The following RCL1 variants were observed in gnomAD, a reference collection of about 807,000 sequenced individuals.
RCL1 encodes RNA 3'-terminal phosphate cyclase-like protein.
A neutral mutation model predicts 42.4 loss-of-function variants in RCL1; 24 were observed. That is an observed-to-expected ratio of 0.57 (90% CI 0.41 to 0.80). The LOEUF (loss-of-function observed/expected upper bound fraction) is 0.80. Ranked by LOEUF, RCL1 falls within the 30% of genes least tolerant of loss-of-function variation. The pLI is 0.00. For synonymous variants in RCL1, 228 were observed against 177.3 expected (o/e 1.29, Z -2.27); for missense variants, 578 against 467.9 (o/e 1.24, Z -2.17).
At chr9:4,847,470 T>A (rs1403976587) in intron 7 of RCL1, among the ~76,000 whole-genome samples, 1 of 152,170 alleles carries the variant, frequency 6.6e-6, no homozygotes, top group Non-Finnish European at 1.5e-5. Flanking sequence ...TTACCAAGCC[T>A]TCTTGATTCT....
chr9:4,796,432 C>G, intron 1 of RCL1, among the ~76,000 whole-genome samples: 1 of 152,186 alleles, frequency 6.6e-6, no homozygotes, highest in Non-Finnish European at 1.5e-5. Flanking sequence ...GAGACAGAGT[C>G]TCACTCTGTC....
chr9:4,811,997 T>G (rs1816194091), intron 1 of RCL1, among the ~76,000 whole-genome samples: 1 of 152,192 alleles, frequency 6.6e-6, no homozygotes, highest in African/African-American at 2.4e-5. Flanking sequence ...TGTATGTCTT[T>G]TGAGGGATGT....
intron 6 of RCL1, among the ~76,000 whole-genome samples, chr9:4,843,818 G>A (rs544110461): frequency 6.6e-6 from 1 of 152,220 alleles, no homozygotes; most frequent in Non-Finnish European, 1.5e-5. Context: ...TCTCACTTCT[G>A]CTGGTCAGGT....
chr9:4,857,521 A>G (rs749691235), intron 8 of RCL1, among the ~76,000 whole-genome samples: 4 of 152,050 alleles, frequency 2.6e-5, no homozygotes, highest in African/African-American at 4.8e-5. Flanking sequence ...GTTGGTAGAC[A>G]TTTGGGTTGC....
intron 8 of RCL1, chr9:4,850,493 C>CTTTTTTTTTTTTT: frequency 2.9e-5 from 4 of 136,948 alleles, no homozygotes; most frequent in Non-Finnish European, 4.3e-5. Flanking sequence ...TTTTTTTTTT[C>CTTTTTTTTTTTTT]TTTTTTTTTT....
At chr9:4,856,927 T>A (rs546020505) in intron 8 of RCL1, among the ~76,000 whole-genome samples, 1 of 152,304 alleles carries the variant, frequency 6.6e-6, no homozygotes, top group African/African-American at 2.4e-5. Flanking sequence ...TTCCTTCCTT[T>A]AACTAGATCA....
In RCL1 at chr9:4,818,502, A is replaced by G. The variant is rs538877953; in HGVS notation, c.137-5046A>G. On this transcript the variant is annotated intron_variant, in intron 1 of 8. Transcript: ENST00000381750. ...AATTGAGTATGTGTTTGCAATGTCT[A>G]CCTCTTTGGATTTAATGAGGAAAGG... is the stretch of plus-strand genomic sequence containing the variant. 2.6e-5 allele frequency among the ~76,000 whole-genome samples: 4 copies of G among 152,258 alleles called. No individual in the cohort carries two copies. In the South Asian group the frequency reaches 8.3e-4, roughly 32 times the overall value.
intron 5 of RCL1, 85 bp downstream of exon 5, chr9:4,834,350 C>A: frequency 2.1e-6 from 3 of 1,447,500 alleles, no homozygotes; most frequent in Admixed American, 2.1e-5. Flanking sequence ...TTTACTTCTT[C>A]CCGAGGTTAT....
intron 1 of RCL1, among the ~76,000 whole-genome samples, chr9:4,818,929 A>G (rs1000151575): frequency 3.3e-5 from 5 of 152,080 alleles, no homozygotes; most frequent in African/African-American, 1.2e-4. Context: ...TAACTTTTAA[A>G]CTTTTCCTCA....
rs1818123510 is a variant in RCL1 at position 4,860,238 on chromosome 9, G to C, written c.1085G>C (p.Gly362Ala). Residue 362 changes from glycine (G) to alanine (A), a missense_variant, in exon 9 of 9, where the codon GGC (glycine) becomes GCC (alanine). Transcript: ENST00000381750. ...GGDKVLMTCV[G>A]IGFSNLSKTL... ...GATAAAGTGCTGATGACCTGTGTTG[G>C]CATTGGTTTCTCCAACCTTAGCAAG... is the stretch of plus-strand genomic sequence containing the variant. The C allele has an allele frequency of 6.2e-7, 1 of 1,613,438 alleles. No individual in the cohort carries two copies. Among genetic ancestry groups the C allele is most frequent in the African/African-American group, 1.3e-5 (1 of 74,876 alleles).
At chr9:4,813,728 C>T (rs1295944252) in intron 1 of RCL1, among the ~76,000 whole-genome samples, 1 of 152,168 alleles carries the variant, frequency 6.6e-6, no homozygotes, top group African/African-American at 2.4e-5. Context: ...GCTACAAAGA[C>T]ACACGCACAC....
In RCL1 at chr9:4,844,625, C is replaced by G. The variant is rs764299659; in HGVS notation, c.811C>G (p.Leu271Val). The G allele has an allele frequency of 6.2e-7, 1 of 1,614,034 alleles. No individual in the cohort carries two copies. Among genetic ancestry groups the G allele is most frequent in the Non-Finnish European group, 8.5e-7 (1 of 1,179,984 alleles). Residue 271 changes from leucine to valine, a missense_variant, in exon 7 of 9, where the codon CTT becomes GTT. Transcript: ENST00000381750. Reference protein sequence around the residue: ...SNPQGQGAAVLPEDLGRNCAR... With the variant: ...SNPQGQGAAVVPEDLGRNCAR... ...CCCCCAGGGCCAGGGAGCAGCAGTA[C>G]TTCCAGAGGACCTTGGCAGGAACTG...
chr9:4,822,615 C>G (rs1209287317), intron 1 of RCL1, among the ~76,000 whole-genome samples: 2 of 152,014 alleles, frequency 1.3e-5, no homozygotes, highest in African/African-American at 2.4e-5. Context: ...GTCAGGAGTT[C>G]AAGACCAGCC....
chr9:4,853,176 A>G (rs1029377579), intron 8 of RCL1, among the ~76,000 whole-genome samples: 1 of 152,118 alleles, frequency 6.6e-6, no homozygotes, highest in African/African-American at 2.4e-5. Flanking sequence ...AGGGCAAAAA[A>G]GGCAAGTACT....
At chr9:4,849,417 G>A in intron 7 of RCL1, 30 bp from the exon 8 acceptor site, 1 of 1,557,856 alleles carries the variant, frequency 6.4e-7, no homozygotes. Context: ...CCATTTTCTG[G>A]TTTGTACAAT....
intron 1 of RCL1, among the ~76,000 whole-genome samples, chr9:4,819,309 C>T (rs1311858533): frequency 6.6e-6 from 1 of 152,156 alleles, no homozygotes; most frequent in Non-Finnish European, 1.5e-5. Context: ...AATCCAATGC[C>T]ATCACTGATC....
At chr9:4,825,181 C>T (rs1816717708) in intron 2 of RCL1, among the ~76,000 whole-genome samples, 1 of 151,984 alleles carries the variant, frequency 6.6e-6, no homozygotes, top group Admixed American at 6.6e-5. Context: ...CAGTGCGTGG[C>T]CCAAGTCTAT....
At chr9:4,852,365 G>T (rs1427157562) in intron 8 of RCL1, among the ~76,000 whole-genome samples, 1 of 152,108 alleles carries the variant, frequency 6.6e-6, no homozygotes, top group African/African-American at 2.4e-5. Context: ...TAGGGAGGGA[G>T]GATTTATACT....
intron 1 of RCL1, among the ~76,000 whole-genome samples, chr9:4,821,073 A>G (rs1191251566): frequency 6.6e-6 from 1 of 152,212 alleles, no homozygotes; most frequent in Non-Finnish European, 1.5e-5. Context: ...GGAAGAGGTT[A>G]GCTCCAAGGA....
Sources: allele counts gnomAD v4.1 joint callset (sites outside exome capture counted in the v4.1 genomes callset), GRCh38; gene constraint gnomAD v4.1.1; transcripts MANE v1.5; gene names NCBI Gene and HGNC (gene_info 2026-07-23, HGNC 2026-07-21).